The following MIS18A variants were observed in gnomAD, a reference collection of about 807,000 sequenced individuals.
MIS18A encodes the protein MIS18 kinetochore protein A.
A neutral mutation model predicts 25.0 loss-of-function variants in MIS18A; 14 were observed. The ratio of observed to expected loss-of-function variants is 0.56; its 90% CI spans 0.37 to 0.88. The LOEUF (loss-of-function observed/expected upper bound fraction) is 0.88. MIS18A is among the 40% of genes least tolerant of loss of function. The probability of loss-of-function intolerance (pLI) is 0.00; values close to 1 mark genes in which losing one functional copy is unlikely to be tolerated. For missense variants in MIS18A, 292 were observed against 290.8 expected, an observed-to-expected ratio of 1.00 and a Z score of -0.03; for synonymous variants, 134 against 118.6, an observed-to-expected ratio of 1.13 and a Z score of -0.84.
intron 2 of MIS18A, among the ~76,000 whole-genome samples, 193 bp downstream of exon 2, chr21:32,274,637 A>G (rs1485212579): frequency 1.3e-5 from 2 of 152,212 alleles, no homozygotes; most frequent in African/African-American, 4.8e-5. Context: ...ACAACCACTC[A>G]AGAACTAACA....
At chr21:32,222,714 G>T in the MIS18A span, among the ~76,000 whole-genome samples, 1 of 151,340 alleles carries the variant, frequency 6.6e-6, no homozygotes, top group Non-Finnish European at 1.5e-5. Flanking sequence ...GGCGGGTCAC[G>T]AGGTCAGGAG....
the MIS18A span, among the ~76,000 whole-genome samples, chr21:32,187,443 C>T: frequency 3.3e-5 from 5 of 152,142 alleles, no homozygotes; most frequent in Admixed American, 3.3e-4. Context: ...GGTTCAGCTG[C>T]ATGAAACCAG....
the MIS18A span, among the ~76,000 whole-genome samples, chr21:32,172,241 T>C: frequency 6.6e-6 from 1 of 152,028 alleles, no homozygotes; most frequent in African/African-American, 2.4e-5. Flanking sequence ...TAGATTCTTC[T>C]AAAAATTAAA....
chr21:32,176,805 G>GA, the MIS18A span, among the ~76,000 whole-genome samples: 72,569 of 149,964 alleles, frequency 0.48, 17,631 homozygotes, highest in East Asian at 0.59. Flanking sequence ...AAAATCAAGT[G>GA]AAAAAAAAAG....
the MIS18A span, among the ~76,000 whole-genome samples, chr21:32,244,041 T>C: frequency 2.6e-5 from 4 of 152,024 alleles, no homozygotes; most frequent in Non-Finnish European, 4.4e-5. Context: ...GGTTAACAAA[T>C]TGTAATACAT....
the MIS18A span, among the ~76,000 whole-genome samples, chr21:32,157,449 T>G: frequency 6.6e-6 from 1 of 151,718 alleles, no homozygotes; most frequent in Non-Finnish European, 1.5e-5. Flanking sequence ...TCTTAAATTT[T>G]GTAGCATTTA....
the MIS18A span, among the ~76,000 whole-genome samples, chr21:32,220,596 C>A: frequency 6.6e-6 from 1 of 152,060 alleles, no homozygotes; most frequent in Non-Finnish European, 1.5e-5. Context: ...CAACTCCTCA[C>A]CAGCAAAGGA....
At chr21:32,215,351 T>C in the MIS18A span, among the ~76,000 whole-genome samples, 4 of 152,168 alleles carry the variant, frequency 2.6e-5, no homozygotes, top group Non-Finnish European at 5.9e-5. Flanking sequence ...GGGAAACATT[T>C]GGGAGAGATC....
intron 1 of MIS18A, 157 bp downstream of exon 1, chr21:32,278,524 T>A (rs1601083170): frequency 2.5e-6 from 2 of 784,470 alleles, no homozygotes; most frequent in African/African-American, 1.8e-5. Context: ...GTGACCCTCC[T>A]CCCCTTTTCC....
intron 1 of MIS18A, among the ~76,000 whole-genome samples, chr21:32,276,986 T>C (rs974184263): frequency 5.3e-5 from 8 of 152,106 alleles, no homozygotes; most frequent in African/African-American, 7.2e-5. Context: ...TAAAAAATCA[T>C]AGTTAGGCTG....
At chr21:32,242,961 C>T in the MIS18A span, among the ~76,000 whole-genome samples, 69 of 152,308 alleles carry the variant, frequency 4.5e-4, no homozygotes, top group Middle Eastern at 0.014. Flanking sequence ...CAGACCCACA[C>T]AGACAGAACC....
At chr21:32,192,390 C>G in the MIS18A span, among the ~76,000 whole-genome samples, 21 of 152,270 alleles carry the variant, frequency 1.4e-4, no homozygotes, top group African/African-American at 4.6e-4. Context: ...TCACTGAGGT[C>G]TCCTTCCTGG....
At chr21:32,261,948 A>G in the MIS18A span, among the ~76,000 whole-genome samples, 1 of 152,216 alleles carries the variant, frequency 6.6e-6, no homozygotes, top group Non-Finnish European at 1.5e-5. Context: ...GGATTTCTAA[A>G]CCCTTCTAGA....
At chr21:32,202,515 A>G in the MIS18A span, among the ~76,000 whole-genome samples, 1 of 152,206 alleles carries the variant, frequency 6.6e-6, no homozygotes, top group Non-Finnish European at 1.5e-5. Context: ...ACCATTTCTA[A>G]GTGTTCGAGG....
the MIS18A span, among the ~76,000 whole-genome samples, chr21:32,158,492 GAGAC>G: frequency 7.0e-6 from 1 of 142,710 alleles, no homozygotes; most frequent in African/African-American, 2.6e-5. Context: ...TTTTCTTTTT[GAGAC>G]AGAGTTTTGC....
chr21:32,180,104 T>C, the MIS18A span, among the ~76,000 whole-genome samples: 1 of 152,140 alleles, frequency 6.6e-6, no homozygotes, highest in African/African-American at 2.4e-5. Flanking sequence ...AGCCCTAAAT[T>C]CAGCAAAGTA....
chr21:32,168,489 C>A, the MIS18A span, among the ~76,000 whole-genome samples: 1 of 152,040 alleles, frequency 6.6e-6, no homozygotes, highest in African/African-American at 2.4e-5. Flanking sequence ...TTAAAGGGAA[C>A]AGGAATGGTA....
At chr21:32,274,305 A>T (rs1188193561) in intron 2 of MIS18A, among the ~76,000 whole-genome samples, 1 of 141,358 alleles carries the variant, frequency 7.1e-6, no homozygotes. Context: ...CCGTAGTTCT[A>T]GTGATTCTCC....
the MIS18A span, among the ~76,000 whole-genome samples, chr21:32,250,275 T>G: frequency 6.6e-6 from 1 of 152,208 alleles, no homozygotes; most frequent in African/African-American, 2.4e-5. Context: ...AATTCTATAC[T>G]AACCAACTCT....
Sources: gnomAD v4.1 joint callset for allele counts (sites outside exome capture counted in the v4.1 genomes callset) on GRCh38, gnomAD v4.1.1 for gene constraint, MANE v1.5 for transcripts, NCBI Gene and HGNC (gene_info 2026-07-23, HGNC 2026-07-21) for gene names.